Variants in CAMTA1 observed in about 807,000 individuals in gnomAD.
The protein encoded by CAMTA1 is calmodulin-binding transcription activator 1.
A neutral mutation model predicts 170.9 loss-of-function variants in CAMTA1; 27 were observed. The ratio of observed to expected loss-of-function variants is 0.16; its 90% CI spans 0.12 to 0.22. The LOEUF (loss-of-function observed/expected upper bound fraction) is 0.22. Ranked by LOEUF, CAMTA1 falls within the 10% of genes least tolerant of loss-of-function variation. The pLI, the probability that CAMTA1 is intolerant of heterozygous loss-of-function variation, is 1.00. For missense variants in CAMTA1, 1,619 were observed against 2,217.2 expected, an observed-to-expected ratio of 0.73 and a Z score of 5.42; for synonymous variants, 833 against 891.5, an observed-to-expected ratio of 0.93 and a Z score of 1.17.
chr1:6,893,056 C>T (rs979357270), intron 3 of CAMTA1, among the ~76,000 whole-genome samples: 12 of 151,562 alleles, frequency 7.9e-5, no homozygotes, highest in Non-Finnish European at 1.5e-4. Flanking sequence ...CCGAGGCGGG[C>T]GGATCACGAG....
At chr1:6,807,845 G>T (rs983845990) in intron 1 of CAMTA1, among the ~76,000 whole-genome samples, 1 of 151,812 alleles carries the variant, frequency 6.6e-6, no homozygotes, top group Non-Finnish European at 1.5e-5. Context: ...AGTCATTTCT[G>T]TTTACACATA....
chr1:6,892,379 T>C (rs898067990), intron 3 of CAMTA1, among the ~76,000 whole-genome samples: 2 of 152,182 alleles, frequency 1.3e-5, no homozygotes, highest in African/African-American at 4.8e-5. Context: ...TTGTTTGCGA[T>C]CTGTGGGTTA....
intron 5 of CAMTA1, among the ~76,000 whole-genome samples, chr1:7,404,655 C>A (rs1182497674): frequency 6.6e-6 from 1 of 152,142 alleles, no homozygotes; most frequent in Admixed American, 6.5e-5. Context: ...CACCCTGGCT[C>A]CCCAGGAGTC....
intron 6 of CAMTA1, among the ~76,000 whole-genome samples, chr1:7,506,488 A>G (rs1210828946): frequency 1.3e-5 from 2 of 151,952 alleles, no homozygotes; most frequent in Non-Finnish European, 2.9e-5. Flanking sequence ...ATTCACACTA[A>G]CACTTCATAC....
In CAMTA1 at chr1:7,449,481, G is replaced by A. The variant is rs529296103; in HGVS notation, c.439-18349G>A. On this transcript the variant is annotated intron_variant, in intron 5 of 22. Transcript: ENST00000303635. Reference sequence around the variant, plus strand: ...CCTCAGTTATCTCACCTAGAAGATAGGAATGAGGGCCAGGGCAGTGGCCCA... The same window carrying A: ...CCTCAGTTATCTCACCTAGAAGATAAGAATGAGGGCCAGGGCAGTGGCCCA... Among the ~76,000 whole-genome samples the A allele has an allele frequency of 2.6e-5, 4 of 152,240 alleles. No individual in the cohort carries two copies. The East Asian group carries it at 5.8e-4, about 22-fold the overall frequency.
chr1:7,174,215 T>C (rs1288230409), intron 4 of CAMTA1, among the ~76,000 whole-genome samples: 1 of 152,180 alleles, frequency 6.6e-6, no homozygotes, highest in African/African-American at 2.4e-5. Flanking sequence ...GCAGAACTTA[T>C]TAGATTAGAA....
intron 3 of CAMTA1, among the ~76,000 whole-genome samples, chr1:6,870,849 CA>C (rs1312361429): frequency 6.6e-6 from 1 of 152,140 alleles, no homozygotes; most frequent in Non-Finnish European, 1.5e-5. Context: ...AATTTTTAGA[CA>C]GGAGACACTA....
intron 5 of CAMTA1, among the ~76,000 whole-genome samples, chr1:7,328,969 C>A (rs1222348876): frequency 2.0e-5 from 3 of 152,096 alleles, no homozygotes; most frequent in Non-Finnish European, 4.4e-5. Flanking sequence ...TGCTGGTTCT[C>A]ACATATGGAG....
rs552315971 is a variant in CAMTA1, at chr1:7,641,304, C to T, written c.664+751C>T. Among the ~76,000 whole-genome samples the T allele has an allele frequency of 3.9e-4, 59 of 152,246 alleles. No homozygotes were observed. The highest frequency in any genetic ancestry group is 1.4e-3 in the African/African-American group (58 of 41,544). ...GCTGTTTAGTGGTGGACACGTAGCCCACGGGGTTCAGGGACATTGATGGCC... is the reference window on the plus strand; with the variant it reads ...GCTGTTTAGTGGTGGACACGTAGCCTACGGGGTTCAGGGACATTGATGGCC... On this transcript the variant is annotated intron_variant, in intron 7 of 22. Coordinates refer to ENST00000303635, the MANE Select transcript of CAMTA1 (RefSeq NM_015215.4). The surrounding 1 kb of genome is among the most constrained non-coding windows in gnomAD (Gnocchi z 4.5).
At chr1:7,713,488 C>T (rs1442808751) in intron 11 of CAMTA1, among the ~76,000 whole-genome samples, 1 of 151,816 alleles carries the variant, frequency 6.6e-6, no homozygotes, top group African/African-American at 2.4e-5. Context: ...AACACACCTA[C>T]TATTGGCGAT....
chr1:7,382,953 C>T (rs2087510970), intron 5 of CAMTA1, among the ~76,000 whole-genome samples: 2 of 152,186 alleles, frequency 1.3e-5, no homozygotes, highest in African/African-American at 4.8e-5. Context: ...TTTATTTATA[C>T]AACCAGTATC....
chr1:7,690,883 C>T (rs565870319), intron 11 of CAMTA1, among the ~76,000 whole-genome samples: 2 of 152,366 alleles, frequency 1.3e-5, no homozygotes, highest in East Asian at 3.9e-4. Flanking sequence ...TGCACCTGCA[C>T]TACTTTGGAG....
At chr1:7,321,150 C>G (rs1022193332) in intron 5 of CAMTA1, among the ~76,000 whole-genome samples, 1 of 152,204 alleles carries the variant, frequency 6.6e-6, no homozygotes, top group African/African-American at 2.4e-5. Flanking sequence ...GGTCTAAAAA[C>G]TGACTTGGGT....
rs758278694 is a variant in CAMTA1, at chr1:7,144,250, T to C, written c.302+52879T>C. Reference sequence around the variant, plus strand: ...GGCCTTTTCTAAGTGTGTGTGTGTGTGTATGTGTGTGTTTGTGTGTATGAG... The same window carrying C: ...GGCCTTTTCTAAGTGTGTGTGTGTGCGTATGTGTGTGTTTGTGTGTATGAG... On this transcript the variant is annotated intron_variant, in intron 4 of 22. Transcript: ENST00000303635. The surrounding 1 kb of genome is among the most constrained non-coding windows in gnomAD (Gnocchi z 4.0). 9.2e-5 allele frequency among the ~76,000 whole-genome samples: 14 copies of C among 151,756 alleles called. No homozygotes were observed. Among genetic ancestry groups the C allele is most frequent in the Non-Finnish European group, 2.1e-4 (14 of 68,022 alleles).
intron 6 of CAMTA1, among the ~76,000 whole-genome samples, chr1:7,498,238 G>A (rs933368808): frequency 6.7e-6 from 1 of 149,614 alleles, no homozygotes; most frequent in Non-Finnish European, 1.5e-5. Context: ...GAGAGTGAGT[G>A]TGGATGTGTG....
At chr1:6,795,659 G>A (rs1398897166) in intron 1 of CAMTA1, among the ~76,000 whole-genome samples, 2 of 152,116 alleles carry the variant, frequency 1.3e-5, no homozygotes, top group Admixed American at 6.6e-5. Context: ...AGCAAGGAAT[G>A]ACTTTTTCTT....
intron 3 of CAMTA1, among the ~76,000 whole-genome samples, chr1:6,914,319 G>C (rs1278742408): frequency 3.9e-5 from 6 of 152,134 alleles, no homozygotes. Context: ...GGCCAGGCTG[G>C]TCTTGAACTC....
chr1:7,679,581 C>CCCG (rs1553246532), intron 11 of CAMTA1, among the ~76,000 whole-genome samples: 4 of 46,256 alleles, frequency 8.6e-5, no homozygotes, highest in African/African-American at 2.5e-4. Context: ...AGCTGCCCCC[C>CCCG]CCCCCAGAAC....
At chr1:7,163,588 GA>G (rs1213939188) in intron 4 of CAMTA1, among the ~76,000 whole-genome samples, 1 of 152,210 alleles carries the variant, frequency 6.6e-6, no homozygotes, top group Non-Finnish European at 1.5e-5. Flanking sequence ...AGGGAACAAG[GA>G]GGACATCAAT....
Sources: allele counts gnomAD v4.1 joint callset (sites outside exome capture counted in the v4.1 genomes callset), GRCh38; gene constraint gnomAD v4.1.1; non-coding constraint Gnocchi (gnomAD v3.1); transcripts MANE v1.5; gene names NCBI Gene and HGNC (gene_info 2026-07-23, HGNC 2026-07-21).